Variants in LPP observed in about 807,000 individuals in gnomAD.
The protein encoded by LPP is LIM domain containing preferred translocation partner in lipoma, also known as lipoma-preferred partner.
A neutral mutation model predicts 60.4 loss-of-function variants in LPP; 38 were observed. That is an observed-to-expected ratio of 0.63 (90% CI 0.49 to 0.83). LPP has a LOEUF of 0.83. Among genes scored for constraint, LPP ranks in the 40% least tolerant of loss-of-function variants. The pLI is 0.00. For synonymous variants in LPP, 328 were observed against 290.8 expected (o/e 1.13, Z -1.30); for missense variants, 902 against 783.6 (o/e 1.15, Z -1.80).
chr3:188,695,929 C>CA (rs1863143731), intron 7 of LPP, among the ~76,000 whole-genome samples: 1 of 152,174 alleles, frequency 6.6e-6, no homozygotes, highest in African/African-American at 2.4e-5. Context: ...AAGCTGGAAT[C>CA]AAAAGACTCC....
chr3:188,224,193 C>A (rs1716867649), intron 1 of LPP, among the ~76,000 whole-genome samples: 2 of 152,072 alleles, frequency 1.3e-5, no homozygotes, highest in African/African-American at 2.4e-5. Flanking sequence ...GAAGAGGTCA[C>A]CTCCTTACCC....
At chr3:188,592,551 G>GTTTT (rs1553936326) in intron 6 of LPP, among the ~76,000 whole-genome samples, 42 of 98,240 alleles carry the variant, frequency 4.3e-4, no homozygotes, top group African/African-American at 1.2e-3. Flanking sequence ...TTTTAGTTTT[G>GTTTT]TTTTTGTTTT....
At chr3:188,246,255 C>G (rs1451924864) in intron 2 of LPP, among the ~76,000 whole-genome samples, 2 of 151,680 alleles carry the variant, frequency 1.3e-5, no homozygotes. Flanking sequence ...GCTGATATGT[C>G]TAGGTGTCTA....
intron 9 of LPP, among the ~76,000 whole-genome samples, chr3:188,761,680 T>C (rs368096072): frequency 2.0e-5 from 3 of 152,356 alleles, no homozygotes; most frequent in African/African-American, 7.2e-5. Flanking sequence ...AGATGCTACA[T>C]GGTTTTCATT....
intron 2 of LPP, among the ~76,000 whole-genome samples, chr3:188,253,107 CT>C (rs150967077): frequency 0.014 from 1,925 of 141,508 alleles, 36 homozygotes; most frequent in African/African-American, 0.047. Context: ...GGTTTTTGGT[CT>C]TTTTTTCTCA....
intron 8 of LPP, among the ~76,000 whole-genome samples, chr3:188,736,276 GA>G (rs1399007539): frequency 6.6e-6 from 1 of 151,778 alleles, no homozygotes; most frequent in Non-Finnish European, 1.5e-5. Context: ...ATAAAATTAA[GA>G]AAAAATATGT....
chr3:188,863,611 C>G (rs907497593), intron 9 of LPP, among the ~76,000 whole-genome samples: 2 of 152,168 alleles, frequency 1.3e-5, no homozygotes, highest in Non-Finnish European at 2.9e-5. Flanking sequence ...CAGTAAAAGG[C>G]GCAGGCTGTC....
intron 7 of LPP, among the ~76,000 whole-genome samples, chr3:188,658,178 C>G (rs1254884517): frequency 3.2e-4 from 4 of 12,594 alleles, no homozygotes; most frequent in Non-Finnish European, 8.0e-4. Context: ...GAGTCTTGCT[C>G]TGTTGCCCAG....
rs117640698 is a variant in LPP at position 188,342,821 on chromosome 3, C to T, written c.-10+1102C>T. Among the ~76,000 whole-genome samples the T allele has an allele frequency of 5.8e-4, 88 of 152,088 alleles. 1 individual carries two copies. In the East Asian group the frequency reaches 0.012, roughly 21 times the overall value. On this transcript the variant is annotated intron_variant, in intron 3 of 11. Coordinates refer to ENST00000617246, the MANE Select transcript of LPP (RefSeq NM_001375462.1). ...ATATCATATATATATAATAAGAACA[C>T]GTGCAGACAAGGTAGGTTATGTATG...
rs78926390 is a variant in LPP at position 188,439,473 on chromosome 3, T to C, written c.193+33160T>C. On this transcript the variant is annotated intron_variant, in intron 4 of 11. Coordinates refer to ENST00000617246, the MANE Select transcript of LPP (RefSeq NM_001375462.1). ...TGCTCCTTGGTAGTCTCGAGATAAT[T>C]GACCAGTTAGGTAACTAGTGTAGTC... is the stretch of plus-strand genomic sequence containing the variant. 8.1e-3 allele frequency among the ~76,000 whole-genome samples: 1,240 copies of C among 152,336 alleles called. 13 individuals carry two copies. The highest frequency in any genetic ancestry group is 0.028 in the African/African-American group (1,169 of 41,588).
chr3:188,296,519 T>G (rs1441586586), intron 2 of LPP, among the ~76,000 whole-genome samples: 1 of 152,222 alleles, frequency 6.6e-6, no homozygotes, highest in African/African-American at 2.4e-5. Context: ...AGGAGGCTGA[T>G]TGAAACTGAA....
At position 188,886,289 on chromosome 3, in the gene LPP, C is replaced by T. The variant is rs952953058; in HGVS notation, c.*11810C>T. On this transcript the variant is annotated 3_prime_UTR_variant, in exon 12 of 12. Coordinates refer to ENST00000617246, the MANE Select transcript of LPP (RefSeq NM_001375462.1). Reference sequence around the variant, plus strand: ...CACATTGTGCACATGTACCCTAAAACTTAAAGTATAATAATAATGAAATAA... The same window carrying T: ...CACATTGTGCACATGTACCCTAAAATTTAAAGTATAATAATAATGAAATAA... 2 of 160,816 alleles carry T rather than the reference C, an allele frequency of 1.2e-5. No homozygotes were observed. Among genetic ancestry groups the T allele is most frequent in the African/African-American group, 5.0e-5 (2 of 40,284 alleles). 10.0% of individuals were successfully genotyped at this position (160,816 alleles called of 1,614,324 possible).
intron 2 of LPP, among the ~76,000 whole-genome samples, chr3:188,285,319 G>T (rs945188368): frequency 1.3e-5 from 2 of 152,150 alleles, no homozygotes; most frequent in African/African-American, 4.8e-5. Context: ...TCTCCCGTGG[G>T]TTGTGCACAT....
chr3:188,798,177 T>C (rs1320088314), intron 9 of LPP, among the ~76,000 whole-genome samples: 1 of 152,196 alleles, frequency 6.6e-6, no homozygotes, highest in East Asian at 1.9e-4. Flanking sequence ...ATACTTACAG[T>C]AGTGCATTTC....
At chr3:188,549,852 G>A (rs114027977) in intron 6 of LPP, among the ~76,000 whole-genome samples, 252 of 152,218 alleles carry the variant, frequency 1.7e-3, no homozygotes, top group Middle Eastern at 6.8e-3. Context: ...TTGCAGCCTC[G>A]CACATCAATT....
intron 6 of LPP, among the ~76,000 whole-genome samples, chr3:188,583,917 C>G (rs1189953734): frequency 6.6e-6 from 1 of 152,086 alleles, no homozygotes; most frequent in Non-Finnish European, 1.5e-5. Flanking sequence ...AGGACAAGTC[C>G]CTTCTCTTGA....
intron 8 of LPP, among the ~76,000 whole-genome samples, chr3:188,716,205 C>T (rs1027596208): frequency 6.6e-6 from 1 of 152,166 alleles, no homozygotes; most frequent in African/African-American, 2.4e-5. Flanking sequence ...ACTAGGCCTT[C>T]ATTTTTCAAA....
intron 2 of LPP, among the ~76,000 whole-genome samples, chr3:188,313,829 A>G (rs1302274906): frequency 1.3e-5 from 2 of 152,006 alleles, no homozygotes; most frequent in Non-Finnish European, 2.9e-5. Flanking sequence ...ATTTTTCTTC[A>G]TGTAGACCGT....
chr3:188,156,856 C>T (rs1005252944), intron 1 of LPP, among the ~76,000 whole-genome samples: 2 of 151,468 alleles, frequency 1.3e-5, no homozygotes, highest in African/African-American at 4.9e-5. Context: ...GCCCCACCCC[C>T]CCAAGAAAAA....
Sources: gnomAD v4.1 joint callset for allele counts (sites outside exome capture counted in the v4.1 genomes callset) on GRCh38, gnomAD v4.1.1 for gene constraint, MANE v1.5 for transcripts, NCBI Gene and HGNC (gene_info 2026-07-23, HGNC 2026-07-21) for gene names.